Variants in FAM184A observed in about 807,000 individuals in gnomAD.
The protein encoded by FAM184A is protein FAM184A.
FAM184A carries 99 observed loss-of-function variants against 143.8 expected under a neutral mutation model. The ratio of observed to expected loss-of-function variants is 0.69; its 90% CI spans 0.58 to 0.81. The LOEUF is 0.81. Among genes scored for constraint, FAM184A ranks in the 40% least tolerant of loss-of-function variants. The probability of loss-of-function intolerance (pLI) is 0.00; values close to 1 mark genes in which losing one functional copy is unlikely to be tolerated. For missense variants in FAM184A, 1,217 were observed against 1,310.5 expected (o/e 0.93, Z 1.10); for synonymous variants, 427 against 446.4 (o/e 0.96, Z 0.55).
upstream of FAM184A, among the ~76,000 whole-genome samples, chr6:119,082,584 C>A (rs1000353097): frequency 3.9e-5 from 6 of 152,238 alleles, no homozygotes; most frequent in African/African-American, 1.4e-4. Flanking sequence ...AGGCCCCATG[C>A]AAGTGTGAAA....
intron 1 of FAM184A, among the ~76,000 whole-genome samples, chr6:119,038,174 G>A (rs781428228): frequency 1.2e-4 from 18 of 152,058 alleles, no homozygotes; most frequent in Non-Finnish European, 2.2e-4. Flanking sequence ...CAAGCAGACA[G>A]GACAGTAATC....
chr6:119,055,382 T>C (rs1226037159), intron 1 of FAM184A, among the ~76,000 whole-genome samples: 2 of 152,222 alleles, frequency 1.3e-5, no homozygotes, highest in African/African-American at 4.8e-5. Context: ...TTTGTGTGGA[T>C]GTATGTTTTT....
chr6:119,023,852 G>C (rs970353444), intron 2 of FAM184A, 107 bp downstream of exon 2: 23 of 767,424 alleles, frequency 3.0e-5, no homozygotes, highest in Non-Finnish European at 4.3e-5. Context: ...AGTCTAAGTG[G>C]TGTGAAGCCA....
In FAM184A at chr6:119,024,489, T is replaced by A; in HGVS notation, c.484A>T (p.Arg162Ter). ...VTMSREVEEIRRKFEEKLRSF... is the reference protein window; with the variant it reads ...VTMSREVEEI ...CGTAATTTTTCTTCAAATTTCCTTC[T>A]AATCTCTTCGACTTCTCTAGACATG... Residue 162 changes from arginine to a stop codon, truncating the protein, a stop_gained, in exon 2 of 18, where the codon AGA becomes TGA. Transcript: ENST00000338891. LOFTEE classifies it high-confidence loss of function. 6.2e-7 allele frequency: 1 copy of A among 1,613,658 alleles called. No homozygotes were observed. Among genetic ancestry groups the A allele is most frequent in the Non-Finnish European group, 8.5e-7 (1 of 1,179,862 alleles).
intron 1 of FAM184A, among the ~76,000 whole-genome samples, chr6:119,094,896 G>C (rs897380425): frequency 2.0e-5 from 3 of 152,202 alleles, no homozygotes; most frequent in African/African-American, 7.2e-5. Context: ...AGGGGAGGCT[G>C]AACAATTTAT....
At chr6:119,128,809 G>A (rs1789446099) in intron 1 of FAM184A, among the ~76,000 whole-genome samples, 1 of 151,970 alleles carries the variant, frequency 6.6e-6, no homozygotes, top group Non-Finnish European at 1.5e-5. Context: ...TTTTGAAATG[G>A]TCCTGCAAAG....
intron 9 of FAM184A, among the ~76,000 whole-genome samples, chr6:118,995,264 A>C (rs1416518565): frequency 1.3e-5 from 2 of 152,060 alleles, no homozygotes; most frequent in East Asian, 3.9e-4. Flanking sequence ...AAAAAATGCA[A>C]AAATTAACTG....
At chr6:119,131,005 C>G (rs1161138929) in intron 1 of FAM184A, among the ~76,000 whole-genome samples, 1 of 151,850 alleles carries the variant, frequency 6.6e-6, no homozygotes, top group African/African-American at 2.4e-5. Context: ...ATTACAGGCG[C>G]CTGCCACCAT....
intron 1 of FAM184A, among the ~76,000 whole-genome samples, chr6:119,086,376 G>A (rs929856651): frequency 6.6e-6 from 1 of 152,184 alleles, no homozygotes; most frequent in Non-Finnish European, 1.5e-5. Context: ...TACAAAGTGG[G>A]TGAGTGTGAA....
chr6:119,072,189 T>C (rs1787712491), intron 1 of FAM184A, among the ~76,000 whole-genome samples: 1 of 152,206 alleles, frequency 6.6e-6, no homozygotes, highest in Non-Finnish European at 1.5e-5. Flanking sequence ...ACTCTAAATC[T>C]TTAACTCTAA....
At chr6:119,095,148 C>T (rs927269385) in intron 1 of FAM184A, among the ~76,000 whole-genome samples, 6 of 152,188 alleles carry the variant, frequency 3.9e-5, no homozygotes, top group Admixed American at 3.9e-4. Context: ...TCACAAAAGC[C>T]AGTCCCGTAC....
intron 1 of FAM184A, among the ~76,000 whole-genome samples, chr6:119,116,542 T>A (rs1789068274): frequency 6.6e-6 from 1 of 152,142 alleles, no homozygotes; most frequent in African/African-American, 2.4e-5. Context: ...CTTTCAGTAG[T>A]CAGACATAAA....
In FAM184A at chr6:119,006,137, T is replaced by G. The variant is rs1404650171; in HGVS notation, c.1815+310A>C. ...TGTGAAGATAGGCAGAGATGGAAAT[T>G]ATGTTGCCGAATGCCAAGAATGCCT... On this transcript the variant is annotated intron_variant, in intron 7 of 17. Transcript: ENST00000338891. The G allele has an allele frequency of 3.9e-6, 3 of 765,098 alleles. No individual in the cohort carries two copies. In the African/African-American group the frequency reaches 5.1e-5, roughly 13 times the overall value. 47.4% of individuals were successfully genotyped at this position (765,098 alleles called of 1,614,324 possible).
At chr6:119,006,092 T>C (rs1362908344) in intron 7 of FAM184A, 1 of 765,108 alleles carries the variant, frequency 1.3e-6, no homozygotes, top group East Asian at 2.4e-5. Context: ...TGTTCCAATA[T>C]GCCTGGTATC....
At chr6:118,982,317 C>A (rs11758675) in intron 9 of FAM184A, among the ~76,000 whole-genome samples, 4 of 152,124 alleles carry the variant, frequency 2.6e-5, no homozygotes, top group Admixed American at 1.3e-4. Context: ...GCACCTACCC[C>A]CTCTCTTTGG....
chr6:119,037,966 C>T (rs1285183658), intron 1 of FAM184A, among the ~76,000 whole-genome samples: 12 of 151,946 alleles, frequency 7.9e-5, no homozygotes, highest in Admixed American at 7.9e-4. Flanking sequence ...TGAGGAAATA[C>T]GAAATAATTT....
intron 14 of FAM184A, among the ~76,000 whole-genome samples, chr6:118,970,021 TGAGA>T (rs1783646467): frequency 3.9e-3 from 365 of 93,412 alleles, no homozygotes; most frequent in Non-Finnish European, 5.2e-3. Flanking sequence ...TTTTTTTTTT[TGAGA>T]TGGAGTTTTG....
Position 118,975,963 on chromosome 6 carries a change from G to T in FAM184A, c.2537C>A (p.Ala846Asp). 1 of 1,613,328 alleles carries T rather than the reference G, an allele frequency of 6.2e-7. No individual in the cohort carries two copies. Residue 846 changes from alanine (A) to aspartate (D), a missense_variant, in exon 12 of 18, where the codon GCT (alanine) becomes GAT (aspartate). Coordinates refer to ENST00000338891, the MANE Select transcript of FAM184A (RefSeq NM_024581.6). The stretch of plus-strand genomic sequence containing the variant: ...GCTTCTCTCTAATTCCATTTTAGCA[G>T]CTGCCAATTCTTGATGATGATTATG... The part of the protein sequence containing the change: ...LRHNHHQELA[A>D]AKMELERSID...
chr6:119,127,170 C>T (rs1475310877), intron 1 of FAM184A, among the ~76,000 whole-genome samples: 4 of 152,218 alleles, frequency 2.6e-5, no homozygotes, highest in South Asian at 4.1e-4. Flanking sequence ...GGGCCCTTGC[C>T]GGGAACCCCA....
Sources: allele counts gnomAD v4.1 joint callset (sites outside exome capture counted in the v4.1 genomes callset), GRCh38; gene constraint gnomAD v4.1.1; transcripts MANE v1.5; gene names NCBI Gene and HGNC (gene_info 2026-07-23, HGNC 2026-07-21).